The following SRD5A1 variants were observed in gnomAD, a reference collection of about 807,000 sequenced individuals.
SRD5A1 encodes 3-oxo-5-alpha-steroid 4-dehydrogenase 1.
SRD5A1 carries 22 observed loss-of-function variants against 28.2 expected under a neutral mutation model. The ratio of observed to expected loss-of-function variants is 0.78; its 90% CI spans 0.56 to 1.12. SRD5A1 has a LOEUF of 1.12. Ranked by LOEUF, SRD5A1 falls within the 50% of genes most tolerant of loss-of-function variation. The pLI is 0.00. For missense variants in SRD5A1, 300 were observed against 346.7 expected (o/e 0.87, Z 1.07); for synonymous variants, 151 against 135.0 (o/e 1.12, Z -0.82).
intron 2 of SRD5A1, among the ~76,000 whole-genome samples, chr5:6,652,815 A>C (rs1738716745): frequency 6.8e-6 from 1 of 147,234 alleles, no homozygotes; most frequent in South Asian, 2.3e-4. Context: ...TCAAGGCTGC[A>C]GTAAGCCATG....
intron 3 of SRD5A1, among the ~76,000 whole-genome samples, chr5:6,661,379 A>G (rs1292710000): frequency 1.5e-5 from 2 of 134,210 alleles, no homozygotes; most frequent in Non-Finnish European, 3.1e-5. Context: ...CATCCCTACT[A>G]AAAATACAAA....
rs1739435393 is a variant in SRD5A1 at position 6,674,019 on chromosome 5, G to A, written c.*5751G>A. ...TGAAACTATTATTATGATACTTTATGGATATAGAATATTATGCATTTTTCA... is the reference window on the plus strand; with the variant it reads ...TGAAACTATTATTATGATACTTTATAGATATAGAATATTATGCATTTTTCA... On this transcript the variant is annotated 3_prime_UTR_variant, in exon 5 of 5. Coordinates refer to ENST00000274192, the MANE Select transcript of SRD5A1 (RefSeq NM_001047.4). 1 of 151,808 alleles carries A rather than the reference G, an allele frequency of 6.6e-6. No individual in the cohort carries two copies. Among genetic ancestry groups the A allele is most frequent in the Non-Finnish European group, 1.5e-5 (1 of 67,974 alleles). 9.4% of individuals were successfully genotyped at this position (151,808 alleles called of 1,614,324 possible). A position where few individuals can be genotyped will look rare whatever the true frequency, so the allele number is the denominator to read the frequency against.
intron 1 of SRD5A1, among the ~76,000 whole-genome samples, chr5:6,636,886 C>A (rs549729896): frequency 2.0e-4 from 31 of 152,092 alleles, no homozygotes; most frequent in African/African-American, 7.0e-4. Context: ...ACACAAACAC[C>A]AGGGAGGGAA....
chr5:6,636,337 G>A (rs8192130), intron 1 of SRD5A1, among the ~76,000 whole-genome samples: 51,537 of 152,030 alleles, frequency 0.34, 8,996 homozygotes, highest in Middle Eastern at 0.41. Context: ...TGCAGAGAAC[G>A]GAGAACACCA....
chr5:6,633,800 C>T lies in SRD5A1; in HGVS notation c.224C>T (p.Ser75Phe), dbSNP rs776577415. ...CCGCTCTACCAGTACGCCAGCGAGT[C>T]CGCCCCGCGTCTCCGCAGCGCGCCC... ...ALPLYQYASE[S>F]APRLRSAPNC... Residue 75 changes from serine to phenylalanine, a missense_variant, in exon 1 of 5, where the codon TCC becomes TTC. By Grantham distance (155) the Ser-to-Phe change is radical (BLOSUM62 -2). This residue lies in a region of SRD5A1 where 174 missense variants were observed against 160.9 expected (regional missense o/e 1.08). Coordinates refer to ENST00000274192, the MANE Select transcript of SRD5A1 (RefSeq NM_001047.4). The T allele has an allele frequency of 6.4e-5, 103 of 1,597,772 alleles. No individual in the cohort carries two copies. The highest frequency in any genetic ancestry group is 8.7e-5 in the Non-Finnish European group (103 of 1,179,664).
At chr5:6,648,272 CGAG>C (rs199803832) in intron 1 of SRD5A1, among the ~76,000 whole-genome samples, 21,532 of 151,936 alleles carry the variant, frequency 0.14, 1,685 homozygotes, top group East Asian at 0.24. Context: ...TTGCTCTCCT[CGAG>C]GAGTATCTTT....
chr5:6,662,700 G>T, intron 3 of SRD5A1, 116 bp from the exon 4 acceptor site: 1 of 1,139,838 alleles, frequency 8.8e-7, no homozygotes, highest in Non-Finnish European at 1.3e-6. Flanking sequence ...ATTCTGTAAG[G>T]ATAATATTTT....
At chr5:6,655,811 T>G (rs1012091628) in intron 2 of SRD5A1, among the ~76,000 whole-genome samples, 3 of 152,196 alleles carry the variant, frequency 2.0e-5, no homozygotes, top group Non-Finnish European at 2.9e-5. Flanking sequence ...CTGTCCATAC[T>G]TGTCATCCTG....
Position 6,668,395 on chromosome 5 carries a change from AT to A in SRD5A1, c.*135del, listed in dbSNP as rs897669034. 9.6e-5 allele frequency: 56 copies of A among 582,734 alleles called. No individual in the cohort carries two copies. The highest frequency in any genetic ancestry group is 7.8e-4 in the African/African-American group (40 of 51,350). The allele number at this position is 582,734 out of a possible 1,614,324, so 36.1% of individuals were successfully genotyped here. A position where few individuals can be genotyped will look rare whatever the true frequency, so the allele number is the denominator to read the frequency against. ...ATCATTTTCAAGATGTCCTCTAGGA[AT>A]TTTTTTTCTAGTAATTTTGCAATCT... On this transcript the variant is annotated 3_prime_UTR_variant, in exon 5 of 5. Coordinates refer to ENST00000274192, the MANE Select transcript of SRD5A1 (RefSeq NM_001047.4).
In SRD5A1 at chr5:6,633,688, T is replaced by G; in HGVS notation, c.112T>G (p.Tyr38Asp). ...FARNRQTNSVYGRHALPSHRL... is the reference protein window; with the variant it reads ...FARNRQTNSVDGRHALPSHRL... ...GCGCAATCGTCAGACGAACTCAGTGTACGGCCGCCACGCGCTGCCCAGCCA... is the reference window on the plus strand; with the variant it reads ...GCGCAATCGTCAGACGAACTCAGTGGACGGCCGCCACGCGCTGCCCAGCCA... The change falls in exon 1 of 5, where the codon TAC becomes GAC. Residue 38 changes from tyrosine to aspartate, a missense_variant. Tyr to Asp is a radical substitution (Grantham distance 160). Coordinates refer to ENST00000274192, the MANE Select transcript of SRD5A1 (RefSeq NM_001047.4). The G allele has an allele frequency of 6.3e-7, 1 of 1,587,194 alleles. No homozygotes were observed. Among genetic ancestry groups the G allele is most frequent in the South Asian group, 1.1e-5 (1 of 90,226 alleles).
At chr5:6,661,983 T>C (rs1044853608) in intron 3 of SRD5A1, among the ~76,000 whole-genome samples, 5 of 151,924 alleles carry the variant, frequency 3.3e-5, no homozygotes, top group Non-Finnish European at 7.4e-5. Context: ...TGAGGGTGAG[T>C]CCCAAGTCCA....
In SRD5A1 at chr5:6,656,086, T is replaced by C. The variant is rs755265523; in HGVS notation, c.469T>C (p.Leu157=). The stretch of plus-strand genomic sequence containing the variant: ...CAATTTTTTTCCTTTAGGTTTTGGC[T>C]TGTGGTTAACGGGCATGTTGATAAA... The part of the protein sequence containing the change: ...TDPRFLIGFG[L]WLTGMLINIH... Residue 157 remains leucine (L), a synonymous_variant, in exon 3 of 5, where the codon TTG becomes CTG. Coordinates refer to ENST00000274192, the MANE Select transcript of SRD5A1 (RefSeq NM_001047.4). The C allele has an allele frequency of 1.9e-6, 3 of 1,613,752 alleles. No homozygotes were observed. The highest frequency in any genetic ancestry group is 2.5e-6 in the Non-Finnish European group (3 of 1,179,808).
intron 1 of SRD5A1, among the ~76,000 whole-genome samples, chr5:6,638,356 A>G (rs1396518535): frequency 6.6e-6 from 1 of 152,252 alleles, no homozygotes; most frequent in Non-Finnish European, 1.5e-5. Flanking sequence ...CAATTCATGA[A>G]TCAGCACCAA....
In SRD5A1 at chr5:6,633,631, C is replaced by T. The variant is rs1264720112; in HGVS notation, c.55C>T (p.Leu19=). Residue 19 remains leucine (L), a synonymous_variant, in exon 1 of 5, where the codon CTG becomes TTG. Coordinates refer to ENST00000274192, the MANE Select transcript of SRD5A1 (RefSeq NM_001047.4). Reference sequence around the variant, plus strand: ...GCGCCTGCTGGCCGCGCTCGCCTACCTGCAGTGCGCCGTGGGCTGCGCGGT... The same window carrying T: ...GCGCCTGCTGGCCGCGCTCGCCTACTTGCAGTGCGCCGTGGGCTGCGCGGT... ...EERLLAALAY[L]QCAVGCAVFA... The T allele has an allele frequency of 9.0e-6, 14 of 1,547,772 alleles. No individual in the cohort carries two copies. The South Asian group carries it at 1.4e-4, about 15-fold the overall frequency.
chr5:6,643,745 G>A (rs1738429286), intron 1 of SRD5A1, among the ~76,000 whole-genome samples: 1 of 152,178 alleles, frequency 6.6e-6, no homozygotes, highest in African/African-American at 2.4e-5. Flanking sequence ...TTGATGCACA[G>A]CTTTCCTTGC....
chr5:6,667,505 G>T (rs1031114278), intron 4 of SRD5A1, among the ~76,000 whole-genome samples: 11 of 152,148 alleles, frequency 7.2e-5, no homozygotes, highest in Admixed American at 2.0e-4. Context: ...TTCTGTGTGT[G>T]TTTATAGAAA....
chr5:6,653,154 G>A (rs893953834), intron 2 of SRD5A1, among the ~76,000 whole-genome samples: 1 of 152,074 alleles, frequency 6.6e-6, no homozygotes, highest in African/African-American at 2.4e-5. Flanking sequence ...GTACTTTGTT[G>A]CTGAGAGATC....
rs1739427687 is a variant in SRD5A1 at position 6,673,736 on chromosome 5, G to A, written c.*5468G>A. 1 of 152,204 alleles carries A rather than the reference G, an allele frequency of 6.6e-6. No homozygotes were observed. Among genetic ancestry groups the A allele is most frequent in the Admixed American group, 6.5e-5 (1 of 15,272 alleles). The allele number at this position is 152,204 out of a possible 1,614,324, so 9.4% of individuals were successfully genotyped here. ...AAATTGTATCCAATTCTATTTCTATGAGGAAAATCTATTCATACAATAGAA... is the reference window on the plus strand; with the variant it reads ...AAATTGTATCCAATTCTATTTCTATAAGGAAAATCTATTCATACAATAGAA... On this transcript the variant is annotated 3_prime_UTR_variant, in exon 5 of 5. Coordinates refer to ENST00000274192, the MANE Select transcript of SRD5A1 (RefSeq NM_001047.4).
intron 3 of SRD5A1, among the ~76,000 whole-genome samples, chr5:6,656,734 T>A (rs1431893033): frequency 6.6e-6 from 1 of 152,146 alleles, no homozygotes; most frequent in Non-Finnish European, 1.5e-5. Flanking sequence ...CATAAATTAA[T>A]TTCCGTGGCC....
Sources: gnomAD v4.1 joint callset for allele counts (sites outside exome capture counted in the v4.1 genomes callset) on GRCh38, gnomAD v4.1.1 for gene constraint, gnomAD v4.1.1 regional missense constraint, MANE v1.5 for transcripts, NCBI Gene and HGNC (gene_info 2026-07-23, HGNC 2026-07-21) for gene names.